DLC1: variants seen among roughly 807,000 people sequenced by gnomAD.
DLC1 encodes rho GTPase-activating protein 7.
A neutral mutation model predicts 140.3 loss-of-function variants in DLC1; 54 were observed. The observed-to-expected ratio is 0.38, with a 90% CI of 0.31 to 0.48. The LOEUF is 0.48. Among genes scored for constraint, DLC1 ranks in the 20% least tolerant of loss-of-function variants. The pLI, the probability that DLC1 is intolerant of heterozygous loss-of-function variation, is 0.96. For missense variants in DLC1, 2,536 were observed against 1,907.0 expected, an observed-to-expected ratio of 1.33 and a Z score of -6.14; for synonymous variants, 986 against 728.1, an observed-to-expected ratio of 1.35 and a Z score of -5.70.
At chr8:13,154,535 C>G (rs12541717) in intron 5 of DLC1, among the ~76,000 whole-genome samples, 7,779 of 152,302 alleles carry the variant, frequency 0.051, 290 homozygotes, top group Middle Eastern at 0.075. Flanking sequence ...CTCGTGCTGG[C>G]CCACGAGTGC....
chr8:13,452,710 A>AC (rs1396562334), intron 2 of DLC1, among the ~76,000 whole-genome samples: 1 of 152,006 alleles, frequency 6.6e-6, no homozygotes, highest in South Asian at 2.1e-4. Flanking sequence ...CAATTTTGCT[A>AC]CCCCCCTGAT....
intron 5 of DLC1, among the ~76,000 whole-genome samples, chr8:13,186,791 T>C (rs1259849071): frequency 6.6e-6 from 1 of 152,248 alleles, no homozygotes; most frequent in Non-Finnish European, 1.5e-5. Flanking sequence ...TGTGGTTTTA[T>C]CTACCTTTGG....
In DLC1 at chr8:13,295,938, C is replaced by CTTTTTTT. The variant is rs34697767; in HGVS notation, c.1348+9330_1348+9331insAAAAAAA. 8.3e-4 allele frequency among the ~76,000 whole-genome samples: 44 copies of CTTTTTTT among 53,324 alleles called. 7 individuals carry two copies. Among genetic ancestry groups the CTTTTTTT allele is most frequent in the Non-Finnish European group, 8.5e-4 (23 of 27,134 alleles). 35.0% of individuals were successfully genotyped at this position (53,324 alleles called of 152,430 possible). A position where few individuals can be genotyped will look rare whatever the true frequency, so the allele number is the denominator to read the frequency against. On this transcript the variant is annotated intron_variant, in intron 5 of 17. Coordinates refer to ENST00000276297, the MANE Select transcript of DLC1 (RefSeq NM_182643.3). Reference sequence around the variant, plus strand: ...ATCTAAGAGATGATCAGATAAGATTCTTTGTTTTTTTTTTTTTTTTTTTTT... The same window carrying CTTTTTTT: ...ATCTAAGAGATGATCAGATAAGATTCTTTTTTTTTTGTTTTTTTTTTTTTTTTTTTTT...
intron 4 of DLC1, among the ~76,000 whole-genome samples, chr8:13,367,855 G>T (rs1313198694): frequency 6.6e-6 from 1 of 152,194 alleles, no homozygotes; most frequent in Admixed American, 6.5e-5. Context: ...ATTTGCAAAT[G>T]AGGATGAGAT....
rs552967612 is a variant in DLC1, at chr8:13,200,996, AG to A, written c.1349-85340del. 2.2e-4 allele frequency among the ~76,000 whole-genome samples: 34 copies of A among 152,312 alleles called. 1 individual carries two copies. Among genetic ancestry groups the A allele is most frequent in the Admixed American group, 1.8e-3 (28 of 15,302 alleles). ...ATTACAGAACACACACAAAAAATGG[AG>A]TTGATTCAGATTACTGAGTACAGTG... On this transcript the variant is annotated intron_variant, in intron 5 of 17. Transcript: ENST00000276297.
At chr8:13,479,844 G>GAGAAA (rs1800620020) in intron 2 of DLC1, among the ~76,000 whole-genome samples, 1 of 15,266 alleles carries the variant, frequency 6.6e-5, no homozygotes, top group Admixed American at 5.5e-4. Flanking sequence ...AGAAGAAGAA[G>GAGAAA]AAGAAGAAGA....
At chr8:13,308,564 C>G (rs1354060617) in intron 4 of DLC1, among the ~76,000 whole-genome samples, 2 of 152,134 alleles carry the variant, frequency 1.3e-5, no homozygotes, top group South Asian at 2.1e-4. Flanking sequence ...CTGACACTTG[C>G]TCTACCGTTA....
At chr8:13,508,195 G>A (rs533044407) in intron 1 of DLC1, among the ~76,000 whole-genome samples, 12 of 152,300 alleles carry the variant, frequency 7.9e-5, no homozygotes, top group Admixed American at 3.3e-4. Flanking sequence ...AGCAGATACT[G>A]GCAGTGTTTG....
intron 5 of DLC1, among the ~76,000 whole-genome samples, chr8:13,288,707 G>A (rs1328814938): frequency 1.3e-5 from 2 of 152,184 alleles, no homozygotes; most frequent in African/African-American, 4.8e-5. Flanking sequence ...CAACAGGAGA[G>A]GCGGCCCCTA....
intron 1 of DLC1, among the ~76,000 whole-genome samples, chr8:13,575,099 A>T (rs1440571739): frequency 6.6e-6 from 1 of 152,204 alleles, no homozygotes; most frequent in African/African-American, 2.4e-5. Flanking sequence ...GGAATAGAGA[A>T]TTCAGAAATT....
chr8:13,255,064 C>T (rs1330400444), intron 5 of DLC1, among the ~76,000 whole-genome samples: 1 of 151,924 alleles, frequency 6.6e-6, no homozygotes, highest in Non-Finnish European at 1.5e-5. Context: ...GCAACCTCTG[C>T]CTCCTGGGTT....
intron 5 of DLC1, among the ~76,000 whole-genome samples, chr8:13,181,727 A>G (rs550349807): frequency 1.3e-5 from 2 of 152,232 alleles, no homozygotes; most frequent in East Asian, 1.9e-4. Context: ...TTCTTAATCC[A>G]GTCTATCATT....
chr8:13,430,422 A>G (rs369278841), intron 2 of DLC1, among the ~76,000 whole-genome samples: 1 of 152,290 alleles, frequency 6.6e-6, no homozygotes, highest in East Asian at 1.9e-4. Flanking sequence ...TTACTAGTAA[A>G]CATGGTTATT....
intron 5 of DLC1, among the ~76,000 whole-genome samples, chr8:13,208,559 T>C (rs1412116364): frequency 1.3e-5 from 2 of 152,198 alleles, no homozygotes; most frequent in East Asian, 3.8e-4. Flanking sequence ...GGTTTTTAGA[T>C]TAAAAGTTCT....
intron 5 of DLC1, among the ~76,000 whole-genome samples, chr8:13,297,963 T>G (rs542931217): frequency 6.6e-6 from 1 of 152,310 alleles, no homozygotes; most frequent in East Asian, 1.9e-4. Context: ...GCATCAAGTC[T>G]GGGCTTTGTT....
At chr8:13,467,704 C>G (rs1234337150) in intron 2 of DLC1, among the ~76,000 whole-genome samples, 1 of 152,152 alleles carries the variant, frequency 6.6e-6, no homozygotes, top group Non-Finnish European at 1.5e-5. Context: ...GCATTCCAGC[C>G]TGGGTAACAC....
intron 5 of DLC1, among the ~76,000 whole-genome samples, chr8:13,250,082 T>C (rs7011100): frequency 0.23 from 35,676 of 152,184 alleles, 4,362 homozygotes; most frequent in South Asian, 0.34. Flanking sequence ...TGGAATGGAT[T>C]GCATTCATTG....
intron 5 of DLC1, among the ~76,000 whole-genome samples, chr8:13,209,152 G>A (rs1827815279): frequency 6.6e-6 from 1 of 152,054 alleles, no homozygotes; most frequent in Non-Finnish European, 1.5e-5. Context: ...TTTCACCAAG[G>A]CTACAGGAAC....
intron 5 of DLC1, among the ~76,000 whole-genome samples, chr8:13,184,538 G>C (rs1462673814): frequency 6.6e-6 from 1 of 152,144 alleles, no homozygotes; most frequent in South Asian, 2.1e-4. Context: ...CTTTATTTCT[G>C]CCTTCATTTC....
Sources: gnomAD v4.1 joint callset for allele counts (sites outside exome capture counted in the v4.1 genomes callset) on GRCh38, gnomAD v4.1.1 for gene constraint, MANE v1.5 for transcripts, NCBI Gene and HGNC (gene_info 2026-07-23, HGNC 2026-07-21) for gene names.